RGL1: variants seen among roughly 807,000 people sequenced by gnomAD.
RGL1 encodes ral guanine nucleotide dissociation stimulator-like 1.
A neutral mutation model predicts 95.2 loss-of-function variants in RGL1; 24 were observed. The observed-to-expected ratio is 0.25, with a 90% CI of 0.18 to 0.35. The LOEUF is 0.35. RGL1 is among the 10% of genes least tolerant of loss of function. RGL1 has a pLI of 1.00. For synonymous variants in RGL1, 329 were observed against 344.9 expected (o/e 0.95, Z 0.51); for missense variants, 715 against 936.3 (o/e 0.76, Z 3.08).
intron 1 of RGL1, among the ~76,000 whole-genome samples, chr1:183,686,818 T>TA (rs1366690852): frequency 9.2e-5 from 14 of 152,084 alleles, no homozygotes; most frequent in East Asian, 3.8e-4. Flanking sequence ...ATATGCAATT[T>TA]AAAAAAATAC....
chr1:183,665,863 T>C (rs1651992417), intron 1 of RGL1, among the ~76,000 whole-genome samples: 1 of 152,160 alleles, frequency 6.6e-6, no homozygotes, highest in Non-Finnish European at 1.5e-5. Flanking sequence ...TCTCCATTGT[T>C]TTTCTATTTT....
chr1:183,912,331 C>A, intron 15 of RGL1, 63 bp downstream of exon 15: 1 of 1,340,132 alleles, frequency 7.5e-7, no homozygotes, highest in Non-Finnish European at 1.0e-6. Flanking sequence ...TGCCACACCA[C>A]AGCAAGGAAT....
chr1:183,741,409 A>T (rs1425679296), intron 1 of RGL1, among the ~76,000 whole-genome samples: 1 of 152,128 alleles, frequency 6.6e-6, no homozygotes, highest in Non-Finnish European at 1.5e-5. Flanking sequence ...AAAGAAGTAG[A>T]CCTTGTAAAA....
chr1:183,888,833 A>G (rs940315152), intron 8 of RGL1, among the ~76,000 whole-genome samples: 1 of 152,108 alleles, frequency 6.6e-6, no homozygotes, highest in African/African-American at 2.4e-5. Flanking sequence ...TGTGCTTATT[A>G]TCTGGATTTT....
intron 1 of RGL1, among the ~76,000 whole-genome samples, chr1:183,703,471 A>G (rs1654721924): frequency 1.3e-5 from 2 of 152,136 alleles, no homozygotes; most frequent in Admixed American, 1.3e-4. Flanking sequence ...AGCATTTTAA[A>G]TCCTCTTAAA....
intron 1 of RGL1, among the ~76,000 whole-genome samples, chr1:183,699,226 C>G (rs769482744): frequency 3.9e-5 from 6 of 152,196 alleles, no homozygotes; most frequent in Non-Finnish European, 7.3e-5. Context: ...GTTGATGTAA[C>G]TTACCCTGAA....
At chr1:183,752,114 C>T (rs1169438774) in intron 2 of RGL1, among the ~76,000 whole-genome samples, 1 of 152,184 alleles carries the variant, frequency 6.6e-6, no homozygotes, top group Non-Finnish European at 1.5e-5. Flanking sequence ...TTCTCTTCTT[C>T]AAGTTATTGC....
At chr1:183,716,577 A>G (rs529622417) in intron 1 of RGL1, among the ~76,000 whole-genome samples, 33 of 152,322 alleles carry the variant, frequency 2.2e-4, no homozygotes, top group African/African-American at 7.5e-4. Context: ...TTTCTGTCAC[A>G]TTCTTTTGCA....
At chr1:183,707,615 G>A (rs147902244) in intron 1 of RGL1, among the ~76,000 whole-genome samples, 54 of 152,228 alleles carry the variant, frequency 3.5e-4, no homozygotes, top group African/African-American at 1.2e-3. Flanking sequence ...AGATAGGGGC[G>A]TAAGGTGGCG....
At chr1:183,825,025 A>G (rs916800297) in intron 2 of RGL1, among the ~76,000 whole-genome samples, 1 of 152,344 alleles carries the variant, frequency 6.6e-6, no homozygotes, top group Middle Eastern at 3.4e-3. Flanking sequence ...CCTAGAAGAA[A>G]GCATTGATAG....
intron 2 of RGL1, among the ~76,000 whole-genome samples, chr1:183,812,842 G>A (rs1419308315): frequency 6.6e-6 from 1 of 152,182 alleles, no homozygotes. Flanking sequence ...TCCCCTGTGA[G>A]GCTCAGCCTG....
intron 2 of RGL1, among the ~76,000 whole-genome samples, chr1:183,769,864 C>T (rs1298328436): frequency 6.6e-6 from 1 of 152,194 alleles, no homozygotes; most frequent in African/African-American, 2.4e-5. Flanking sequence ...CAGGCCCGAC[C>T]CAGCTTAGAA....
At chr1:183,842,215 T>A (rs1392528633) in intron 2 of RGL1, among the ~76,000 whole-genome samples, 1 of 152,172 alleles carries the variant, frequency 6.6e-6, no homozygotes, top group East Asian at 1.9e-4. Context: ...ACTGATATAC[T>A]GAAGAGTGAT....
intron 2 of RGL1, among the ~76,000 whole-genome samples, chr1:183,819,863 C>A (rs1662341572): frequency 6.6e-6 from 1 of 151,368 alleles, no homozygotes; most frequent in Non-Finnish European, 1.5e-5. Flanking sequence ...TAGTTCACTG[C>A]AGCTTTGAAC....
chr1:183,800,151 C>T (rs16861532), upstream of RGL1, among the ~76,000 whole-genome samples: 26,487 of 152,108 alleles, frequency 0.17, 2,443 homozygotes, highest in Middle Eastern at 0.21. Context: ...CCATATCATC[C>T]TACATAAGTA....
intron 9 of RGL1, among the ~76,000 whole-genome samples, chr1:183,895,172 C>T (rs1342758830): frequency 6.6e-6 from 1 of 152,180 alleles, no homozygotes; most frequent in Non-Finnish European, 1.5e-5. Context: ...GAGTCTGTTA[C>T]AACTGTGACA....
chr1:183,894,570 T>A (rs946810821), intron 9 of RGL1, among the ~76,000 whole-genome samples: 2 of 152,178 alleles, frequency 1.3e-5, no homozygotes, highest in African/African-American at 2.4e-5. Context: ...ATTTTTTTTT[T>A]AAATGGAATC....
At chr1:183,780,096 G>T (rs1394785431) in intron 2 of RGL1, among the ~76,000 whole-genome samples, 2 of 152,182 alleles carry the variant, frequency 1.3e-5, no homozygotes, top group South Asian at 2.1e-4. Flanking sequence ...CTCCCTGGGA[G>T]AATACCTGTG....
chr1:183,713,172 T>C (rs6698736), intron 1 of RGL1, among the ~76,000 whole-genome samples: 72,561 of 151,776 alleles, frequency 0.48, 17,907 homozygotes, highest in East Asian at 0.76. Flanking sequence ...ATTACAGGCG[T>C]GTACCACAAT....
Sources: gnomAD v4.1 joint callset for allele counts (sites outside exome capture counted in the v4.1 genomes callset) on GRCh38, gnomAD v4.1.1 for gene constraint, MANE v1.5 for transcripts, NCBI Gene and HGNC (gene_info 2026-07-23, HGNC 2026-07-21) for gene names.